The following C11orf65 variants were observed in gnomAD, a reference collection of about 807,000 sequenced individuals.
C11orf65 encodes the protein chromosome 11 open reading frame 65, also known as protein MFI.
C11orf65 carries 38 observed loss-of-function variants against 35.3 expected under a neutral mutation model. That is an observed-to-expected ratio of 1.08 (90% CI 0.83 to 1.41). The LOEUF (loss-of-function observed/expected upper bound fraction) is 1.41, where lower values mean the gene tolerates loss of function less well. Ranked by LOEUF, C11orf65 falls within the 40% of genes most tolerant of loss-of-function variation. The pLI is 0.00. For synonymous variants in C11orf65, 105 were observed against 114.4 expected (o/e 0.92, Z 0.53); for missense variants, 370 against 367.1 (o/e 1.01, Z -0.06).
chr11:108,421,727 T>C (rs1351294595), intron 3 of C11orf65, among the ~76,000 whole-genome samples: 1 of 152,060 alleles, frequency 6.6e-6, no homozygotes, highest in Admixed American at 6.6e-5. Context: ...TATTTTACAC[T>C]CTGGCCCCAA....
chr11:108,468,843 C>G (rs1027407460), upstream of C11orf65, among the ~76,000 whole-genome samples: 2 of 152,100 alleles, frequency 1.3e-5, no homozygotes, highest in African/African-American at 4.8e-5. Context: ...GTGGCTCACA[C>G]CTGTAATCCC....
At chr11:108,375,062 T>C (rs1409524309) in intron 2 of C11orf65, among the ~76,000 whole-genome samples, 2 of 152,204 alleles carry the variant, frequency 1.3e-5, no homozygotes, top group Admixed American at 6.5e-5. Flanking sequence ...GAAAACACTC[T>C]GCAGGATATT....
rs1060501652 is a variant in C11orf65, at chr11:108,310,311, A to G, written c.641-1240T>C. 3 of 1,612,756 alleles carry G rather than the reference A, an allele frequency of 1.9e-6. No homozygotes were observed. The Admixed American group carries it at 5.0e-5, about 27-fold the overall frequency. Reference sequence around the variant, plus strand: ...TAAGAAAAGTATGGATGATCAAGAGAAAAGGTAATGGAATTTAGAATTTTT... The same window carrying G: ...TAAGAAAAGTATGGATGATCAAGAGGAAAGGTAATGGAATTTAGAATTTTT... On this transcript the variant is annotated intron_variant, in intron 6 of 6. Transcript: ENST00000525729.
At chr11:108,387,427 T>C (rs12806251) in intron 7 of C11orf65, among the ~76,000 whole-genome samples, 1 of 152,080 alleles carries the variant, frequency 6.6e-6, no homozygotes, top group Admixed American at 6.6e-5. Flanking sequence ...AGTGACACTG[T>C]GATTTTCTAA....
At chr11:108,403,721 ATTTGAAAATCCAATTT>A (rs2092485232) in intron 6 of C11orf65, among the ~76,000 whole-genome samples, 1 of 152,220 alleles carries the variant, frequency 6.6e-6, no homozygotes, top group Admixed American at 6.5e-5. Flanking sequence ...ATTTTTCTGC[ATTTGAAAATCCAATTT>A]GTTGAAAAGA....
chr11:108,440,828 G>A lies in C11orf65; in HGVS notation c.82-8990C>T, dbSNP rs74901964. 1.2e-3 allele frequency among the ~76,000 whole-genome samples: 185 copies of A among 152,290 alleles called. 1 individual carries two copies. The East Asian group carries it at 0.013, about 10-fold the overall frequency. The stretch of plus-strand genomic sequence containing the variant: ...AGTTACTAAAATAGCCTAGATGAAA[G>A]GGAAAATATGACCGATAGGAAGAGG... On this transcript the variant is annotated intron_variant, in intron 2 of 8. Transcript: ENST00000393084.
intron 3 of C11orf65, chr11:108,332,984 A>G: frequency 6.7e-7 from 1 of 1,491,722 alleles, no homozygotes; most frequent in South Asian, 1.2e-5. Context: ...CCTAATAAGT[A>G]AATCTGCTTA....
chr11:108,324,026 G>A lies in C11orf65; in HGVS notation c.641-14955C>T, dbSNP rs973607804. Among the ~76,000 whole-genome samples the A allele has an allele frequency of 1.1e-4, 17 of 148,504 alleles. No individual in the cohort carries two copies. The East Asian group carries it at 3.2e-3, about 28-fold the overall frequency. On this transcript the variant is annotated intron_variant, in intron 6 of 6. Coordinates refer to the C11orf65 transcript ENST00000525729. ...CTTTATCTACAGGTTTCCATCTATG[G>A]ATTCAACCAACCGCAGATCAAAAAT...
chr11:108,348,914 A>T (rs11825355), intron 2 of C11orf65, among the ~76,000 whole-genome samples: 3,391 of 152,338 alleles, frequency 0.022, 94 homozygotes, highest in African/African-American at 0.07. Flanking sequence ...TGGTTTGGTT[A>T]CTAACCACAT....
Position 108,393,222 on chromosome 11 carries a change from T to G in C11orf65, c.717A>C (p.Thr239=), listed in dbSNP as rs200411013. 6.2e-7 allele frequency: 1 copy of G among 1,613,560 alleles called. No homozygotes were observed. The highest frequency in any genetic ancestry group is 8.5e-7 in the Non-Finnish European group (1 of 1,179,730). Reference sequence around the variant, plus strand: ...CATGTACTTACTCATCAAAGTTCAGTGTATTTGTCCAGTTCAGCACTTCAT... The same window carrying G: ...CATGTACTTACTCATCAAAGTTCAGGGTATTTGTCCAGTTCAGCACTTCAT... The part of the protein sequence containing the change: ...EVDEVLNWTN[T]LNFDEYIASW... The change falls in exon 7 of 9, where the codon ACA becomes ACC. Residue 239 remains threonine (T), a synonymous_variant. Coordinates refer to ENST00000393084, the MANE Select transcript of C11orf65 (RefSeq NM_152587.5).
chr11:108,363,085 T>A (rs1791093611), intron 2 of C11orf65, among the ~76,000 whole-genome samples: 3 of 152,230 alleles, frequency 2.0e-5, no homozygotes, highest in Non-Finnish European at 4.4e-5. Flanking sequence ...AATCATTTGG[T>A]GTGATTGTTC....
At chr11:108,348,236 A>T (rs2088704998) in intron 2 of C11orf65, among the ~76,000 whole-genome samples, 1 of 151,850 alleles carries the variant, frequency 6.6e-6, no homozygotes, top group African/African-American at 2.4e-5. Flanking sequence ...ATATATAGAC[A>T]GTTTAATATA....
chr11:108,387,573 G>A (rs1411009852), intron 7 of C11orf65, among the ~76,000 whole-genome samples: 1 of 152,026 alleles, frequency 6.6e-6, no homozygotes, highest in Non-Finnish European at 1.5e-5. Flanking sequence ...TGTCTCCCAG[G>A]CTGCAGTGCA....
intron 6 of C11orf65, among the ~76,000 whole-genome samples, chr11:108,320,841 C>G (rs1044631035): frequency 1.3e-5 from 2 of 152,106 alleles, no homozygotes; most frequent in African/African-American, 2.4e-5. Context: ...TAACCAGAAG[C>G]CTTACCAATA....
chr11:108,308,931 G>A (rs2083900962), exon 7 of C11orf65: 1 of 1,228,582 alleles, frequency 8.1e-7, no homozygotes, highest in African/African-American at 1.5e-5. Context: ...TTTTCTTGGT[G>A]TTGGGAGGCA....
intron 3 of C11orf65, chr11:108,331,629 A>G: frequency 1.4e-6 from 2 of 1,431,064 alleles, no homozygotes; most frequent in Non-Finnish European, 9.3e-7. Flanking sequence ...TATAAAGTAT[A>G]TATACCATTC....
chr11:108,327,807 C>A, downstream of C11orf65: 1 of 1,334,204 alleles, frequency 7.5e-7, no homozygotes, highest in Non-Finnish European at 1.1e-6. Context: ...CATGAATATG[C>A]TTCATCTTTT....
intron 3 of C11orf65, among the ~76,000 whole-genome samples, chr11:108,425,549 G>A (rs991406678): frequency 1.3e-5 from 2 of 152,142 alleles, no homozygotes; most frequent in Non-Finnish European, 2.9e-5. Flanking sequence ...TGGATTCACA[G>A]CTGAATTCTA....
intron 1 of C11orf65, among the ~76,000 whole-genome samples, chr11:108,464,216 T>C (rs2093505592): frequency 6.6e-6 from 1 of 152,082 alleles, no homozygotes; most frequent in South Asian, 2.1e-4. Context: ...CATAAGCCAT[T>C]GCGCTCAGCG....
Sources: allele counts gnomAD v4.1 joint callset (sites outside exome capture counted in the v4.1 genomes callset), GRCh38; gene constraint gnomAD v4.1.1; transcripts MANE v1.5; gene names NCBI Gene and HGNC (gene_info 2026-07-23, HGNC 2026-07-21).